The following CAST variants were observed in gnomAD, a reference collection of about 807,000 sequenced individuals.
CAST encodes calpastatin.
In CAST, 76 loss-of-function variants were observed where a neutral mutation model predicts 119.6. That is an observed-to-expected ratio of 0.64 (90% CI 0.53 to 0.77). The LOEUF is 0.77. CAST is among the 30% of genes least tolerant of loss of function. The pLI is 0.00. For synonymous variants in CAST, 319 were observed against 331.6 expected (o/e 0.96, Z 0.41); for missense variants, 953 against 946.5 (o/e 1.01, Z -0.09).
intron 6 of CAST, chr5:96,728,529 T>G (rs980259159): frequency 1.3e-5 from 2 of 151,366 alleles, no homozygotes; most frequent in Non-Finnish European, 2.9e-5. Context: ...CAGGCTGGAG[T>G]GCAGTGGCGC....
At chr5:96,708,498 CT>C (rs1332391141) in intron 3 of CAST, among the ~76,000 whole-genome samples, 2 of 151,710 alleles carry the variant, frequency 1.3e-5, no homozygotes, top group Admixed American at 1.3e-4. Flanking sequence ...GTTTTAGTTA[CT>C]TTTTTCTTTG....
the CAST span, among the ~76,000 whole-genome samples, chr5:96,193,223 G>A: frequency 6.6e-6 from 1 of 151,994 alleles, no homozygotes; most frequent in Admixed American, 6.5e-5. Flanking sequence ...AGTGAAGTAT[G>A]TTTTAATGAT....
At chr5:96,018,095 C>A in the CAST span, among the ~76,000 whole-genome samples, 2 of 152,204 alleles carry the variant, frequency 1.3e-5, no homozygotes, top group Non-Finnish European at 2.9e-5. Context: ...TGCTAATCCT[C>A]TTCTGCAAGA....
chr5:96,225,757 A>T, the CAST span, among the ~76,000 whole-genome samples: 20 of 152,212 alleles, frequency 1.3e-4, no homozygotes, highest in Admixed American at 3.3e-4. Flanking sequence ...TTACTCAAAG[A>T]TAGACACATA....
intron 1 of CAST, among the ~76,000 whole-genome samples, chr5:96,617,418 A>G (rs557731382): frequency 5.3e-5 from 8 of 152,334 alleles, no homozygotes; most frequent in Middle Eastern, 6.8e-3. Flanking sequence ...AAAAAAAGAA[A>G]GGGACAGAGC....
chr5:96,417,602 G>A, the CAST span, among the ~76,000 whole-genome samples: 1 of 152,066 alleles, frequency 6.6e-6, no homozygotes, highest in Non-Finnish European at 1.5e-5. Context: ...GCAGAGGCGA[G>A]CAGCACTAGA....
chr5:96,673,176 T>C (rs1200813339), intron 1 of CAST, among the ~76,000 whole-genome samples: 1 of 152,184 alleles, frequency 6.6e-6, no homozygotes, highest in Non-Finnish European at 1.5e-5. Context: ...TCTGAAAAAA[T>C]ATGAATTACA....
At chr5:96,606,067 G>A (rs961125775) in intron 1 of CAST, among the ~76,000 whole-genome samples, 10 of 152,104 alleles carry the variant, frequency 6.6e-5, no homozygotes, top group African/African-American at 1.4e-4. Context: ...GAGTTGTGGG[G>A]TAATAGAATT....
At chr5:96,711,749 G>A (rs1756202541) in intron 3 of CAST, among the ~76,000 whole-genome samples, 1 of 152,204 alleles carries the variant, frequency 6.6e-6, no homozygotes, top group African/African-American at 2.4e-5. Context: ...AGGGGAATTT[G>A]TTTCTAAACT....
At chr5:96,086,377 A>G in the CAST span, among the ~76,000 whole-genome samples, 383 of 152,294 alleles carry the variant, frequency 2.5e-3, 1 homozygote, top group Non-Finnish European at 3.7e-3. Context: ...TTGTAACAAC[A>G]TTGTCAGAAT....
the CAST span, among the ~76,000 whole-genome samples, chr5:96,386,366 A>G: frequency 6.6e-6 from 1 of 152,300 alleles, no homozygotes; most frequent in South Asian, 2.1e-4. Context: ...CACTTCAAGG[A>G]TTCCTCGTTG....
rs190224334 is a variant in CAST, at chr5:96,763,246, C to T, written c.1932+874C>T. On this transcript the variant is annotated intron_variant, in intron 25 of 31. Transcript: ENST00000675179. Reference sequence around the variant, plus strand: ...AGGATCATCTGAAAATATCCAGAGGCACAAATGACAAAGCCCAGACCTGGC... The same window carrying T: ...AGGATCATCTGAAAATATCCAGAGGTACAAATGACAAAGCCCAGACCTGGC... 7 of 780,668 alleles carry T rather than the reference C, an allele frequency of 9.0e-6. No homozygotes were observed. The Admixed American group carries it at 1.2e-4, about 13-fold the overall frequency. The allele number at this position is 780,668 out of a possible 1,614,324, so 48.4% of individuals were successfully genotyped here. A position where few individuals can be genotyped will look rare whatever the true frequency, so the allele number is the denominator to read the frequency against.
the CAST span, among the ~76,000 whole-genome samples, chr5:96,399,189 A>T: frequency 6.6e-6 from 1 of 152,246 alleles, no homozygotes; most frequent in East Asian, 1.9e-4. Flanking sequence ...TTATGTATAC[A>T]TGAATTTTAA....
upstream of CAST, among the ~76,000 whole-genome samples, chr5:96,660,707 C>CT (rs1446456827): frequency 6.6e-6 from 1 of 152,088 alleles, no homozygotes; most frequent in African/African-American, 2.4e-5. Context: ...CACCTCACCC[C>CT]TACAGCTTTT....
chr5:96,315,121 T>G, the CAST span, among the ~76,000 whole-genome samples: 2 of 152,346 alleles, frequency 1.3e-5, no homozygotes, highest in South Asian at 4.1e-4. Context: ...AAAATAATTC[T>G]GTGACTCTTG....
intron 24 of CAST, 118 bp from the exon 25 acceptor site, chr5:96,762,156 A>G (rs900272284): frequency 7.8e-6 from 4 of 513,764 alleles, no homozygotes; most frequent in South Asian, 4.0e-5. Context: ...TTATGAGTCT[A>G]TTTGGTCAAG....
At chr5:96,171,052 C>T in the CAST span, among the ~76,000 whole-genome samples, 1 of 152,104 alleles carries the variant, frequency 6.6e-6, no homozygotes, top group African/African-American at 2.4e-5. Flanking sequence ...ACTGAGGGGA[C>T]AGGTGGGAGG....
chr5:96,240,011 T>C, the CAST span, among the ~76,000 whole-genome samples: 2 of 152,206 alleles, frequency 1.3e-5, no homozygotes, highest in Non-Finnish European at 1.5e-5. Context: ...TATAATTTTA[T>C]TGGGAACATG....
At chr5:96,410,506 C>T in the CAST span, among the ~76,000 whole-genome samples, 4 of 151,872 alleles carry the variant, frequency 2.6e-5, no homozygotes, top group East Asian at 1.9e-4. Context: ...TTGGAGTCTC[C>T]GCTGTGTGTA....
Sources: allele counts gnomAD v4.1 joint callset (sites outside exome capture counted in the v4.1 genomes callset), GRCh38; gene constraint gnomAD v4.1.1; transcripts MANE v1.5; gene names NCBI Gene and HGNC (gene_info 2026-07-23, HGNC 2026-07-21).